ST6GAL1: variants seen among roughly 807,000 people sequenced by gnomAD.
The protein encoded by ST6GAL1 is ST6 beta-galactoside alpha-2,6-sialyltransferase 1.
A neutral mutation model predicts 38.0 loss-of-function variants in ST6GAL1; 20 were observed. That is an observed-to-expected ratio of 0.53 (90% CI 0.37 to 0.77). The LOEUF is 0.77. ST6GAL1 is among the 30% of genes least tolerant of loss of function. ST6GAL1 has a pLI of 0.00. For missense variants in ST6GAL1, 432 were observed against 496.4 expected (o/e 0.87, Z 1.23); for synonymous variants, 196 against 188.2 (o/e 1.04, Z -0.34).
At chr3:187,036,086 G>T (rs996032432) in intron 2 of ST6GAL1, among the ~76,000 whole-genome samples, 1 of 152,296 alleles carries the variant, frequency 6.6e-6, no homozygotes, top group African/African-American at 2.4e-5. Flanking sequence ...ACATTAAAAT[G>T]TGAGCAAAAG....
intron 2 of ST6GAL1, among the ~76,000 whole-genome samples, chr3:186,971,642 T>C (rs1330899448): frequency 6.6e-6 from 1 of 152,230 alleles, no homozygotes; most frequent in Non-Finnish European, 1.5e-5. Context: ...TCACCAGTTA[T>C]AGGAAATCTT....
intron 5 of ST6GAL1, among the ~76,000 whole-genome samples, chr3:187,071,406 T>G (rs1356754342): frequency 6.6e-6 from 1 of 152,122 alleles, no homozygotes; most frequent in East Asian, 1.9e-4. Flanking sequence ...GCAAGACAGC[T>G]CATATTTGAG....
intron 5 of ST6GAL1, among the ~76,000 whole-genome samples, chr3:187,068,001 C>T (rs1232208206): frequency 6.6e-6 from 1 of 152,186 alleles, no homozygotes; most frequent in Non-Finnish European, 1.5e-5. Context: ...AGCTGTGGTA[C>T]CCTACCCTGC....
At chr3:186,962,124 T>G (rs1212007597) in intron 1 of ST6GAL1, among the ~76,000 whole-genome samples, 1 of 152,228 alleles carries the variant, frequency 6.6e-6, no homozygotes, top group Non-Finnish European at 1.5e-5. Flanking sequence ...TTGTTCGCCC[T>G]GTTCTGTCCT....
At chr3:187,016,248 G>A (rs1467118765) in intron 2 of ST6GAL1, among the ~76,000 whole-genome samples, 1 of 152,198 alleles carries the variant, frequency 6.6e-6, no homozygotes, top group Non-Finnish European at 1.5e-5. Flanking sequence ...GTGGATGCCA[G>A]CCAGACATTC....
chr3:186,970,278 G>A (rs1399536453), intron 2 of ST6GAL1, among the ~76,000 whole-genome samples: 8 of 147,904 alleles, frequency 5.4e-5, no homozygotes, highest in East Asian at 2.0e-4. Context: ...GCAGTGGCGC[G>A]ATCTCAGCTC....
chr3:186,996,365 G>C (rs1224564176), intron 2 of ST6GAL1, among the ~76,000 whole-genome samples: 2 of 152,188 alleles, frequency 1.3e-5, no homozygotes, highest in African/African-American at 4.8e-5. Context: ...AGCCTGCTCT[G>C]TTACCTACAT....
chr3:186,980,311 CTATAT>C (rs1057418819), intron 2 of ST6GAL1, among the ~76,000 whole-genome samples: 1 of 152,124 alleles, frequency 6.6e-6, no homozygotes, highest in African/African-American at 2.4e-5. Flanking sequence ...TTAAGAAACG[CTATAT>C]TGTGCCTTCC....
At chr3:186,968,936 G>A (rs55658631) in intron 2 of ST6GAL1, among the ~76,000 whole-genome samples, 12,657 of 152,122 alleles carry the variant, frequency 0.083, 717 homozygotes, top group Non-Finnish European at 0.12. Context: ...CTAGAGCACG[G>A]GTACCATTTT....
In ST6GAL1 at chr3:187,072,914, G is replaced by C; in HGVS notation, c.771G>C (p.Trp257Cys). 6.2e-7 allele frequency: 1 copy of C among 1,613,942 alleles called. No individual in the cohort carries two copies. ...SLYNEGILIVWDPSVYHSDIP... is the reference protein window; with the variant it reads ...SLYNEGILIVCDPSVYHSDIP... ...ACAATGAAGGAATCCTAATTGTATG[G>C]GACCCATCTGTATACCACTCAGATA... The change falls in exon 6 of 8, where the codon TGG becomes TGC. Residue 257 changes from tryptophan (W) to cysteine (C), a missense_variant. Transcript: ENST00000169298.
intron 2 of ST6GAL1, among the ~76,000 whole-genome samples, chr3:186,990,566 T>C (rs1716125348): frequency 6.6e-6 from 1 of 151,996 alleles, no homozygotes; most frequent in Non-Finnish European, 1.5e-5. Context: ...TGGCTGGGGC[T>C]GAGGAGAGTT....
intron 2 of ST6GAL1, among the ~76,000 whole-genome samples, chr3:186,995,730 G>T (rs962655242): frequency 7.2e-5 from 11 of 152,088 alleles, no homozygotes; most frequent in Admixed American, 6.5e-4. Context: ...TGTAATCCCA[G>T]CTACTGGGGA....
chr3:186,986,922 G>GGAACCATGACTTGCTAAACATACTCA, intron 2 of ST6GAL1, among the ~76,000 whole-genome samples: 1 of 152,062 alleles, frequency 6.6e-6, no homozygotes, highest in Non-Finnish European at 1.5e-5. Flanking sequence ...AGAAAAACAA[G>GGAACCATGACTTGCTAAACATACTCA]GAACCATGAC....
At position 187,072,990 on chromosome 3, in the gene ST6GAL1, T is replaced by G. The variant is rs745992313; in HGVS notation, c.804+43T>G. ...GGAAATAGGGGTTGAGTTTCCTGTC[T>G]GTCTACAGATTTTCCTGATTTCCTA... On this transcript the variant is annotated intron_variant, in intron 6 of 7. Transcript: ENST00000169298. 7 of 1,474,330 alleles carry G rather than the reference T, an allele frequency of 4.7e-6. No homozygotes were observed. In the Admixed American group the frequency reaches 1.2e-4, roughly 25 times the overall value. The allele number at this position is 1,474,330 out of a possible 1,614,324, so 91.3% of individuals were successfully genotyped here. A position where few individuals can be genotyped will look rare whatever the true frequency, so the allele number is the denominator to read the frequency against.
Position 187,072,226 on chromosome 3 carries a change from C to T in ST6GAL1, c.706-623C>T, listed in dbSNP as rs547088120. ...GGCACACATGAGCTTCTCACCAGCC[C>T]GGTGAGGGTCTCCTGTTGGGAGGTG... On this transcript the variant is annotated intron_variant, in intron 5 of 7. Coordinates refer to ENST00000169298, the MANE Select transcript of ST6GAL1 (RefSeq NM_173216.2). 18 of 153,668 alleles carry T rather than the reference C, an allele frequency of 1.2e-4. 1 individual carries two copies. Among genetic ancestry groups the T allele is most frequent in the East Asian group, 1.1e-3 (6 of 5,222 alleles). 9.5% of individuals were successfully genotyped at this position (153,668 alleles called of 1,614,324 possible). A position where few individuals can be genotyped will look rare whatever the true frequency, so the allele number is the denominator to read the frequency against.
chr3:187,044,624 G>A (rs1362774627), intron 4 of ST6GAL1, among the ~76,000 whole-genome samples: 2 of 152,120 alleles, frequency 1.3e-5, no homozygotes, highest in Non-Finnish European at 2.9e-5. Context: ...CATTTTTGCT[G>A]CTTATGTAGC....
chr3:187,006,890 A>G (rs2108556162), intron 2 of ST6GAL1, among the ~76,000 whole-genome samples: 1 of 152,326 alleles, frequency 6.6e-6, no homozygotes, highest in African/African-American at 2.4e-5. Flanking sequence ...GGAAGAGGAA[A>G]GTTTTCTAGC....
intron 2 of ST6GAL1, among the ~76,000 whole-genome samples, chr3:186,975,866 C>T (rs1203067669): frequency 6.6e-6 from 1 of 152,196 alleles, no homozygotes; most frequent in Non-Finnish European, 1.5e-5. Flanking sequence ...CTTACCTCAT[C>T]CCAATCCTGG....
At chr3:187,034,274 AC>A (rs1240941511) in intron 2 of ST6GAL1, among the ~76,000 whole-genome samples, 1 of 152,116 alleles carries the variant, frequency 6.6e-6, no homozygotes, top group Non-Finnish European at 1.5e-5. Context: ...AAAACTTACC[AC>A]CAAAAAAAGC....
Sources: allele counts gnomAD v4.1 joint callset (sites outside exome capture counted in the v4.1 genomes callset), GRCh38; gene constraint gnomAD v4.1.1; transcripts MANE v1.5; gene names NCBI Gene and HGNC (gene_info 2026-07-23, HGNC 2026-07-21).